CCDC88A: variants seen among roughly 807,000 people sequenced by gnomAD.
The protein encoded by CCDC88A is coiled-coil and HOOK domain protein 88A, also known as girdin.
A neutral mutation model predicts 234.3 loss-of-function variants in CCDC88A; 54 were observed. That is an observed-to-expected ratio of 0.23 (90% CI 0.19 to 0.29). The LOEUF is 0.29. Among genes scored for constraint, CCDC88A ranks in the 10% least tolerant of loss-of-function variants. The pLI, the probability that CCDC88A is intolerant of heterozygous loss-of-function variation, is 1.00. For synonymous variants in CCDC88A, 753 were observed against 737.8 expected (o/e 1.02, Z -0.33); for missense variants, 1,832 against 2,123.4 (o/e 0.86, Z 2.70).
chr2:55,390,053 A>AAAAAAAAAAAAG lies in CCDC88A; in HGVS notation c.165-1168_165-1167insCTTTTTTTTTTT, dbSNP rs377022377. ...GAGACTCAAAAAAAAAAAAAAATAA[A>AAAAAAAAAAAAG]AAATAAAGATAGAACATTTCAAAGT... On this transcript the variant is annotated intron_variant, in intron 2 of 32. Transcript: ENST00000436346. 5.8e-3 allele frequency among the ~76,000 whole-genome samples: 463 copies of AAAAAAAAAAAAG among 79,704 alleles called. 77 individuals are homozygous for AAAAAAAAAAAAG. Among genetic ancestry groups the AAAAAAAAAAAAG allele is most frequent in the African/African-American group, 0.016 (340 of 21,490 alleles). 52.3% of individuals were successfully genotyped at this position (79,704 alleles called of 152,430 possible).
At chr2:55,402,543 TTTTC>T (rs1296529387) in intron 2 of CCDC88A, among the ~76,000 whole-genome samples, 2 of 152,206 alleles carry the variant, frequency 1.3e-5, no homozygotes, top group Non-Finnish European at 2.9e-5. Flanking sequence ...ATCAATGAAC[TTTTC>T]TTTCTCTGTT....
At chr2:55,409,738 C>CTTTTTTTTTTTTTT (rs61703330) in intron 2 of CCDC88A, among the ~76,000 whole-genome samples, 3 of 111,732 alleles carry the variant, frequency 2.7e-5, no homozygotes, top group Non-Finnish European at 3.4e-5. Context: ...ATATACCTCC[C>CTTTTTTTTTTTTTT]TTTTTTTTTT....
chr2:55,301,410 C>T, intron 27 of CCDC88A, 133 bp from the exon 28 acceptor site: 1 of 514,052 alleles, frequency 1.9e-6, no homozygotes, highest in Non-Finnish European at 3.3e-6. Flanking sequence ...ATTTCATAGA[C>T]TCAACTAGAA....
chr2:55,364,452 A>G (rs912204112), intron 5 of CCDC88A, among the ~76,000 whole-genome samples: 2 of 152,090 alleles, frequency 1.3e-5, no homozygotes, highest in African/African-American at 4.8e-5. Flanking sequence ...CTATTACCAA[A>G]CAACACAGCC....
At chr2:55,408,126 T>C (rs189925685) in intron 2 of CCDC88A, among the ~76,000 whole-genome samples, 1 of 152,222 alleles carries the variant, frequency 6.6e-6, no homozygotes, top group African/African-American at 2.4e-5. Context: ...TTTACGTATC[T>C]TCATTTTATT....
In CCDC88A at chr2:55,334,823, T is replaced by C. The variant is rs141361821; in HGVS notation, c.1998A>G (p.Ser666=). ...ATTTTCTATTTTCTCTTTCTAGCTC[T>C]GAATTTTCTTGTTCTAAGGCCTCAA... ...EKIEALEQEN[S]ELERENRKLK... The change falls in exon 15 of 33, where the codon TCA becomes TCG. Residue 666 remains serine, a synonymous_variant. Coordinates refer to ENST00000436346, the MANE Select transcript of CCDC88A (RefSeq NM_001365480.1). The surrounding 1 kb of genome is among the most constrained non-coding windows in gnomAD (Gnocchi z 6.1). 445 of 1,566,504 alleles carry C rather than the reference T, an allele frequency of 2.8e-4. 1 individual carries two copies. The highest frequency in any genetic ancestry group is 3.7e-4 in the Non-Finnish European group (427 of 1,154,240).
chr2:55,364,829 T>C (rs1671751434), intron 5 of CCDC88A, among the ~76,000 whole-genome samples: 1 of 152,154 alleles, frequency 6.6e-6, no homozygotes, highest in Non-Finnish European at 1.5e-5. Flanking sequence ...TCTCTAATGC[T>C]GCAAACCAAC....
rs1574213034 is a variant in CCDC88A, at chr2:55,346,693, T to C, written c.883-360A>G. Among the ~76,000 whole-genome samples, 3 of 152,222 alleles carry C rather than the reference T, an allele frequency of 2.0e-5. No homozygotes were observed. The East Asian group carries it at 5.8e-4, about 29-fold the overall frequency. ...CCTCAGCCTCCCAAAGTGCTGGGATTACAGGCGTAAGCCACCGCACTCGGC... is the reference window on the plus strand; with the variant it reads ...CCTCAGCCTCCCAAAGTGCTGGGATCACAGGCGTAAGCCACCGCACTCGGC... On this transcript the variant is annotated intron_variant, in intron 9 of 32. Transcript: ENST00000436346.
chr2:55,413,072 G>A (rs940171207), intron 2 of CCDC88A, among the ~76,000 whole-genome samples: 1 of 152,018 alleles, frequency 6.6e-6, no homozygotes, highest in Non-Finnish European at 1.5e-5. Flanking sequence ...GCCAGGTGCA[G>A]TAGCACATGC....
intron 2 of CCDC88A, among the ~76,000 whole-genome samples, chr2:55,410,734 C>CA (rs1042487216): frequency 4.6e-5 from 7 of 151,182 alleles, no homozygotes; most frequent in East Asian, 1.9e-4. Context: ...AAACAAAAAA[C>CA]AAAAAAAAGA....
intron 9 of CCDC88A, among the ~76,000 whole-genome samples, chr2:55,347,561 A>C (rs1177300335): frequency 6.7e-6 from 1 of 148,806 alleles, no homozygotes; most frequent in African/African-American, 2.5e-5. Flanking sequence ...GTTTTGGAAA[A>C]TAACGGTTAT....
intron 6 of CCDC88A, 74 bp downstream of exon 6, chr2:55,363,876 T>G: frequency 2.7e-6 from 2 of 727,460 alleles, no homozygotes; most frequent in South Asian, 3.8e-5. Flanking sequence ...GACTTTGAAG[T>G]ATTTTAGGAG....
chr2:55,384,592 CAT>C lies in CCDC88A; in HGVS notation c.273+4184_273+4185del, dbSNP rs1197797141. 1.8e-4 allele frequency among the ~76,000 whole-genome samples: 14 copies of C among 76,222 alleles called. 2 individuals carry two copies. The highest frequency in any genetic ancestry group is 7.8e-4 in the African/African-American group (14 of 17,954). The allele number at this position is 76,222 out of a possible 152,430, so 50.0% of individuals were successfully genotyped here. A position where few individuals can be genotyped will look rare whatever the true frequency, so the allele number is the denominator to read the frequency against. On this transcript the variant is annotated intron_variant, in intron 3 of 32. Transcript: ENST00000436346. Reference sequence around the variant, plus strand: ...ATACGTATATATGTGTATATATACACATATATACGTATATATGTGTATATATA... The same window carrying C: ...ATACGTATATATGTGTATATATACACATATACGTATATATGTGTATATATA...
chr2:55,349,674 T>C, intron 8 of CCDC88A, 75 bp from the exon 9 acceptor site: 2 of 947,358 alleles, frequency 2.1e-6, no homozygotes, highest in Admixed American at 2.1e-5. Context: ...AATATAAATG[T>C]ATCATCATCA....
chr2:55,346,083 C>T (rs1669076420), intron 10 of CCDC88A, 92 bp downstream of exon 10: 1 of 826,664 alleles, frequency 1.2e-6, no homozygotes. Context: ...TTCACCATTT[C>T]AAGAGTTTCT....
rs201163922 is a variant in CCDC88A, at chr2:55,301,303, A to G, written c.4673-26T>C. 2.1e-5 allele frequency: 26 copies of G among 1,239,868 alleles called. No individual in the cohort carries two copies. In the East Asian group the frequency reaches 5.9e-4, roughly 28 times the overall value. The allele number at this position is 1,239,868 out of a possible 1,614,324, so 76.8% of individuals were successfully genotyped here. On this transcript the variant is annotated intron_variant, in intron 27 of 32. Coordinates refer to ENST00000436346, the MANE Select transcript of CCDC88A (RefSeq NM_001365480.1). Reference sequence around the variant, plus strand: ...CTACATAAAATAGCAAAATGGATATAAAGATATTTTTGTAATAAAAAACCA... The same window carrying G: ...CTACATAAAATAGCAAAATGGATATGAAGATATTTTTGTAATAAAAAACCA...
In CCDC88A at chr2:55,299,821, A is replaced by C. The variant is rs751459616; in HGVS notation, c.4825+18T>G. 6.4e-7 allele frequency: 1 copy of C among 1,561,606 alleles called. No homozygotes were observed. The highest frequency in any genetic ancestry group is 1.1e-5 in the South Asian group (1 of 89,652). ...TGGAAATGGATAGAGCGCATTAATA[A>C]ATTTACCTACAGCATACCTTTGACT... On this transcript the variant is annotated intron_variant, in intron 29 of 32. Coordinates refer to ENST00000436346, the MANE Select transcript of CCDC88A (RefSeq NM_001365480.1).
rs1209458936 is a variant in CCDC88A, at chr2:55,300,997, C to T, written c.4744+209G>A. ...AGGCATACTTTATAAATGACCTTGG[C>T]TAAAACAGAGAACATTTAGATGAAG... On this transcript the variant is annotated intron_variant, in intron 28 of 32. Transcript: ENST00000436346. 3 of 497,034 alleles carry T rather than the reference C, an allele frequency of 6.0e-6. No homozygotes were observed. In the African/African-American group the frequency reaches 6.1e-5, roughly 10 times the overall value. 30.8% of individuals were successfully genotyped at this position (497,034 alleles called of 1,614,324 possible). A position where few individuals can be genotyped will look rare whatever the true frequency, so the allele number is the denominator to read the frequency against.
At chr2:55,293,557 A>G (rs968327312) in intron 31 of CCDC88A, 1 of 151,364 alleles carries the variant, frequency 6.6e-6, no homozygotes, top group Admixed American at 6.6e-5. Context: ...GACAAATTTC[A>G]TTAGGAAATA....
Sources: gnomAD v4.1 joint callset for allele counts (sites outside exome capture counted in the v4.1 genomes callset) on GRCh38, gnomAD v4.1.1 for gene constraint, Gnocchi (gnomAD v3.1) non-coding constraint, MANE v1.5 for transcripts, NCBI Gene and HGNC (gene_info 2026-07-23, HGNC 2026-07-21) for gene names.